ST3GAL6: variants seen among roughly 807,000 people sequenced by gnomAD.
The protein encoded by ST3GAL6 is ST3 beta-galactoside alpha-2,3-sialyltransferase 6.
A neutral mutation model predicts 40.5 loss-of-function variants in ST3GAL6; 31 were observed. The ratio of observed to expected loss-of-function variants is 0.77; its 90% CI spans 0.58 to 1.03. The LOEUF is 1.03. Ranked by LOEUF, ST3GAL6 falls within the 50% of genes least tolerant of loss-of-function variation. The pLI is 0.00. For missense variants in ST3GAL6, 357 were observed against 393.2 expected, an observed-to-expected ratio of 0.91 and a Z score of 0.78; for synonymous variants, 129 against 136.9, an observed-to-expected ratio of 0.94 and a Z score of 0.40.
chr3:98,795,392 A>G lies in ST3GAL6; in HGVS notation c.*1631A>G, dbSNP rs1300699603. 1 of 152,188 alleles carries G rather than the reference A, an allele frequency of 6.6e-6. No individual in the cohort carries two copies. The allele number at this position is 152,188 out of a possible 1,614,324, so 9.4% of individuals were successfully genotyped here. ...GGGGAGAACAGTAGTAGTTGATCTA[A>G]CCCAGATTAGACATGAATACCAGCA... is the stretch of plus-strand genomic sequence containing the variant. On this transcript the variant is annotated 3_prime_UTR_variant, in exon 10 of 10. Coordinates refer to ENST00000483910, the MANE Select transcript of ST3GAL6 (RefSeq NM_001323368.2).
intron 5 of ST3GAL6, chr3:98,782,167 C>T: frequency 7.3e-6 from 5 of 681,184 alleles, no homozygotes; most frequent in Non-Finnish European, 7.9e-6. Context: ...ATCAAACTTG[C>T]TTGTAAAAGC....
At chr3:98,750,296 G>A (rs1286172894) in intron 1 of ST3GAL6, among the ~76,000 whole-genome samples, 1 of 152,156 alleles carries the variant, frequency 6.6e-6, no homozygotes, top group Admixed American at 6.5e-5. Context: ...TTACTGGTTG[G>A]GGTATGACCT....
intron 1 of ST3GAL6, among the ~76,000 whole-genome samples, chr3:98,746,015 T>G (rs1055282984): frequency 1.3e-5 from 2 of 152,140 alleles, no homozygotes; most frequent in African/African-American, 4.8e-5. Flanking sequence ...GGTATAATTA[T>G]CTGTGATGGA....
chr3:98,752,882 C>T (rs780810126), intron 1 of ST3GAL6, among the ~76,000 whole-genome samples: 3 of 152,166 alleles, frequency 2.0e-5, no homozygotes, highest in Non-Finnish European at 4.4e-5. Context: ...AATGGACCAC[C>T]GACCAGTTTT....
At chr3:98,746,400 C>T (rs774594125) in intron 1 of ST3GAL6, among the ~76,000 whole-genome samples, 1 of 151,794 alleles carries the variant, frequency 6.6e-6, no homozygotes, top group Non-Finnish European at 1.5e-5. Context: ...CATTGGGAGC[C>T]CAGATTTTTT....
At chr3:98,756,278 C>A in intron 1 of ST3GAL6, 1 of 1,070,494 alleles carries the variant, frequency 9.3e-7, no homozygotes, top group Non-Finnish European at 1.3e-6. Flanking sequence ...ACTAAAATGG[C>A]GTTTTCCTTA....
chr3:98,781,352 T>G (rs1330295169), intron 5 of ST3GAL6, among the ~76,000 whole-genome samples: 1 of 151,758 alleles, frequency 6.6e-6, no homozygotes, highest in African/African-American at 2.4e-5. Context: ...AGGGGAGGGA[T>G]AGCATTAGGA....
In ST3GAL6 at chr3:98,733,542, A is replaced by G. The variant is rs983880815; in HGVS notation, c.-12+1010A>G. On this transcript the variant is annotated intron_variant, in intron 1 of 9. Coordinates refer to the ST3GAL6 transcript ENST00000265261. The stretch of plus-strand genomic sequence containing the variant: ...AAACCCTTTTTCCCTCCACAATGGA[A>G]CTAGACCTAACAAAACAAGCTCCGA... The G allele has an allele frequency of 7.1e-6, 7 of 985,628 alleles. No individual in the cohort carries two copies. In the East Asian group the frequency reaches 5.7e-4, roughly 80 times the overall value. 61.1% of individuals were successfully genotyped at this position (985,628 alleles called of 1,614,324 possible).
At chr3:98,736,373 T>G (rs537489851) in intron 1 of ST3GAL6, among the ~76,000 whole-genome samples, 14 of 152,284 alleles carry the variant, frequency 9.2e-5, no homozygotes, top group African/African-American at 3.4e-4. Flanking sequence ...GTTTAAACAT[T>G]GATTTACTTT....
chr3:98,782,469 A>T (rs540635773), intron 5 of ST3GAL6: 11 of 615,310 alleles, frequency 1.8e-5, no homozygotes, highest in Non-Finnish European at 2.9e-5. Context: ...GGTGATGGAG[A>T]AAAGGAAGTG....
intron 4 of ST3GAL6, 49 bp from the exon 5 acceptor site, chr3:98,773,871 A>G (rs777996425): frequency 1.3e-6 from 2 of 1,530,830 alleles, no homozygotes; most frequent in African/African-American, 2.7e-5. Flanking sequence ...ACTAAGTACT[A>G]AAAAGACATG....
chr3:98,789,430 A>T (rs1035839301), intron 8 of ST3GAL6, among the ~76,000 whole-genome samples: 1 of 152,226 alleles, frequency 6.6e-6, no homozygotes, highest in Non-Finnish European at 1.5e-5. Flanking sequence ...CTATGCATTC[A>T]TAAACACATA....
intron 1 of ST3GAL6, among the ~76,000 whole-genome samples, chr3:98,743,128 C>G (rs929375245): frequency 1.3e-5 from 2 of 151,424 alleles, no homozygotes; most frequent in African/African-American, 4.9e-5. Context: ...CAGCCTTAGC[C>G]TCTGGAGTAG....
intron 5 of ST3GAL6, among the ~76,000 whole-genome samples, chr3:98,779,340 A>G (rs828604): frequency 0.97 from 148,037 of 152,320 alleles, 72,099 homozygotes; most frequent in East Asian, 1. Context: ...ATTGGCAGAG[A>G]CAATGAGCTC....
At chr3:98,786,026 A>T (rs1449613420) in intron 6 of ST3GAL6, among the ~76,000 whole-genome samples, 1 of 152,148 alleles carries the variant, frequency 6.6e-6, no homozygotes, top group African/African-American at 2.4e-5. Context: ...GAGTGGTATC[A>T]TTTATTAAGT....
In ST3GAL6 at chr3:98,788,423, A is replaced by T. The variant is rs762165913; in HGVS notation, c.716A>T (p.Tyr239Phe). The change falls in exon 8 of 10, where the codon TAT becomes TTT. Residue 239 changes from tyrosine (Y) to phenylalanine (F), a missense_variant. Transcript: ENST00000483910. The part of the protein sequence containing the change: ...LDPFIIRTAA[Y>F]ELLHFPKVFP... Reference sequence around the variant, plus strand: ...CCTTTCATTATCAGAACAGCAGCTTATGAACTGCTTCATTTTCCAAAAGTG... The same window carrying T: ...CCTTTCATTATCAGAACAGCAGCTTTTGAACTGCTTCATTTTCCAAAAGTG... 5.0e-6 allele frequency: 8 copies of T among 1,611,570 alleles called. No individual in the cohort carries two copies. The highest frequency in any genetic ancestry group is 6.8e-6 in the Non-Finnish European group (8 of 1,179,374).
intron 2 of ST3GAL6, 93 bp from the exon 3 acceptor site, chr3:98,770,786 A>G (rs16840147): frequency 0.062 from 64,486 of 1,042,452 alleles, 2,435 homozygotes; most frequent in South Asian, 0.13. Context: ...AGAACCTCTC[A>G]GTGGTGGCAT....
chr3:98,751,582 A>G (rs1248094689), intron 1 of ST3GAL6, among the ~76,000 whole-genome samples: 1 of 152,240 alleles, frequency 6.6e-6, no homozygotes, highest in Non-Finnish European at 1.5e-5. Flanking sequence ...GTAATCTACA[A>G]TTCAGCACAT....
chr3:98,749,455 C>T (rs1299722933), intron 1 of ST3GAL6, among the ~76,000 whole-genome samples: 4 of 152,130 alleles, frequency 2.6e-5, no homozygotes, highest in Non-Finnish European at 5.9e-5. Flanking sequence ...TTGGTATATG[C>T]TCATCTGATT....
Sources: gnomAD v4.1 joint callset for allele counts (sites outside exome capture counted in the v4.1 genomes callset) on GRCh38, gnomAD v4.1.1 for gene constraint, MANE v1.5 for transcripts, NCBI Gene and HGNC (gene_info 2026-07-23, HGNC 2026-07-21) for gene names.